Variants in ATP8B4 observed in about 807,000 individuals in gnomAD.
ATP8B4 encodes ATPase phospholipid transporting 8B4 (putative).
In ATP8B4, 133 loss-of-function variants were observed where a neutral mutation model predicts 145.6. The observed-to-expected ratio is 0.91, with a 90% CI of 0.79 to 1.05. The LOEUF (loss-of-function observed/expected upper bound fraction) is 1.05. Ranked by LOEUF, ATP8B4 falls within the 50% of genes least tolerant of loss-of-function variation. The pLI is 0.00. For missense variants in ATP8B4, 1,458 were observed against 1,425.2 expected (o/e 1.02, Z -0.37); for synonymous variants, 507 against 492.9 (o/e 1.03, Z -0.38).
intron 3 of ATP8B4, among the ~76,000 whole-genome samples, chr15:50,059,539 C>A (rs1287141682): frequency 6.6e-6 from 1 of 152,116 alleles, no homozygotes; most frequent in East Asian, 1.9e-4. Context: ...AATGAATGAA[C>A]AAATGAATGA....
chr15:49,925,187 TA>T (rs1381441238), intron 16 of ATP8B4, among the ~76,000 whole-genome samples: 1 of 152,146 alleles, frequency 6.6e-6, no homozygotes, highest in East Asian at 1.9e-4. Context: ...CTAGTTACTA[TA>T]ATTATTATTA....
At chr15:50,012,500 C>T (rs1334181999) in intron 6 of ATP8B4, among the ~76,000 whole-genome samples, 1 of 152,078 alleles carries the variant, frequency 6.6e-6, no homozygotes, top group East Asian at 1.9e-4. Context: ...ATGTTGACGC[C>T]GAGCCTAGCA....
intron 23 of ATP8B4, among the ~76,000 whole-genome samples, chr15:49,887,823 A>G (rs765744246): frequency 6.6e-6 from 1 of 152,210 alleles, no homozygotes; most frequent in Non-Finnish European, 1.5e-5. Context: ...ACAATCTAAA[A>G]ACAGCTTGGA....
chr15:50,103,000 T>A (rs1468863382), intron 2 of ATP8B4, among the ~76,000 whole-genome samples: 1 of 152,162 alleles, frequency 6.6e-6, no homozygotes, highest in Non-Finnish European at 1.5e-5. Flanking sequence ...AATCACATGA[T>A]CATCTCAATA....
intron 20 of ATP8B4, among the ~76,000 whole-genome samples, chr15:49,905,865 A>C (rs1035622889): frequency 5.3e-5 from 8 of 152,158 alleles, no homozygotes; most frequent in Non-Finnish European, 1.0e-4. Context: ...CCCAGAGAGA[A>C]CCACTGTTTA....
At chr15:50,082,167 A>C (rs2054597018) in intron 2 of ATP8B4, among the ~76,000 whole-genome samples, 1 of 152,218 alleles carries the variant, frequency 6.6e-6, no homozygotes. Context: ...GCAATTCATT[A>C]AAGACATGAG....
At chr15:50,087,024 TATA>T (rs1423099605) in intron 2 of ATP8B4, among the ~76,000 whole-genome samples, 1 of 117,582 alleles carries the variant, frequency 8.5e-6, no homozygotes, top group Non-Finnish European at 1.6e-5. Context: ...TATTATTATA[TATA>T]ATAAAATAAT....
At chr15:50,054,190 T>C (rs1176683045) in intron 3 of ATP8B4, among the ~76,000 whole-genome samples, 1 of 152,204 alleles carries the variant, frequency 6.6e-6, no homozygotes, top group East Asian at 1.9e-4. Context: ...TAAGAGTTTG[T>C]TTCTTGTTCA....
intron 26 of ATP8B4, among the ~76,000 whole-genome samples, chr15:49,865,454 AC>A (rs1450605479): frequency 6.6e-6 from 1 of 152,078 alleles, no homozygotes; most frequent in Non-Finnish European, 1.5e-5. Flanking sequence ...TTGGGGGGAA[AC>A]CCCAATTTAT....
In ATP8B4 at chr15:50,054,511, C is replaced by T. The variant is rs142698906; in HGVS notation, c.88-7047G>A. 5.7e-3 allele frequency among the ~76,000 whole-genome samples: 864 copies of T among 152,220 alleles called. 19 individuals carry two copies. Among genetic ancestry groups the T allele is most frequent in the African/African-American group, 0.02 (816 of 41,536 alleles). On this transcript the variant is annotated intron_variant, in intron 3 of 27. Transcript: ENST00000284509. ...ATATCAAAAACCAACTGGCTGGGCA[C>T]GGTGGCTCACGCCGGTAATCCCAGC...
rs775370328 is a variant in ATP8B4, at chr15:49,898,046, C to A, written c.2473+22G>T. ...AGGACCCCATGTATGCAGCATACCCCATTGAGCAAATATCCTCTTACTTTT... is the reference window on the plus strand; with the variant it reads ...AGGACCCCATGTATGCAGCATACCCAATTGAGCAAATATCCTCTTACTTTT... On this transcript the variant is annotated intron_variant, in intron 22 of 27. Coordinates refer to ENST00000284509, the MANE Select transcript of ATP8B4 (RefSeq NM_024837.4). 2.5e-6 allele frequency: 4 copies of A among 1,612,742 alleles called. No individual in the cohort carries two copies. The African/African-American group carries it at 4.0e-5, about 16-fold the overall frequency.
At chr15:50,139,985 A>G (rs1567403767) in intron 1 of ATP8B4, among the ~76,000 whole-genome samples, 1 of 140,436 alleles carries the variant, frequency 7.1e-6, no homozygotes, top group Non-Finnish European at 1.6e-5. Flanking sequence ...AAAGGCATAC[A>G]GAGTGGTATG....
intron 1 of ATP8B4, among the ~76,000 whole-genome samples, chr15:50,140,721 T>C (rs2044195271): frequency 6.6e-6 from 1 of 152,218 alleles, no homozygotes; most frequent in South Asian, 2.1e-4. Flanking sequence ...TTTTACTATA[T>C]GTTTAGAGCA....
At chr15:50,076,303 C>T (rs891152067) in intron 2 of ATP8B4, among the ~76,000 whole-genome samples, 3 of 152,018 alleles carry the variant, frequency 2.0e-5, no homozygotes, top group Non-Finnish European at 4.4e-5. Context: ...ACCATCCTGG[C>T]CAACATGGTG....
At chr15:50,011,587 C>T (rs568410733) in intron 6 of ATP8B4, among the ~76,000 whole-genome samples, 1 of 152,240 alleles carries the variant, frequency 6.6e-6, no homozygotes, top group East Asian at 1.9e-4. Context: ...CAAGACCACC[C>T]TCCACCCAGT....
At chr15:49,896,390 TAAG>T (rs1210512619) in intron 23 of ATP8B4, 1 of 152,234 alleles carries the variant, frequency 6.6e-6, no homozygotes, top group South Asian at 2.1e-4. Context: ...TTAGCACATG[TAAG>T]AAGAAGATGC....
At chr15:50,172,735 G>A (rs1256460653) in intron 1 of ATP8B4, among the ~76,000 whole-genome samples, 1 of 151,684 alleles carries the variant, frequency 6.6e-6, no homozygotes, top group African/African-American at 2.4e-5. Context: ...CTGAGATGTG[G>A]GGAGCGCCTC....
chr15:49,890,288 A>G (rs934450846), intron 23 of ATP8B4, among the ~76,000 whole-genome samples: 1 of 152,184 alleles, frequency 6.6e-6, no homozygotes, highest in African/African-American at 2.4e-5. Flanking sequence ...AAAGTGATGG[A>G]AGATTAGGCC....
At chr15:50,097,683 C>A (rs952593944) in intron 2 of ATP8B4, among the ~76,000 whole-genome samples, 1 of 152,106 alleles carries the variant, frequency 6.6e-6, no homozygotes, top group Non-Finnish European at 1.5e-5. Context: ...AAATCAGATC[C>A]CTATACAAGT....
Sources: gnomAD v4.1 joint callset for allele counts (sites outside exome capture counted in the v4.1 genomes callset) on GRCh38, gnomAD v4.1.1 for gene constraint, MANE v1.5 for transcripts, NCBI Gene and HGNC (gene_info 2026-07-23, HGNC 2026-07-21) for gene names.